IPO7: variants seen among roughly 807,000 people sequenced by gnomAD.
IPO7 encodes the protein importin-7.
Under a neutral mutation model 136.4 loss-of-function variants are expected in IPO7, and 13 were observed. That is an observed-to-expected ratio of 0.10 (90% CI 0.06 to 0.15). The LOEUF (loss-of-function observed/expected upper bound fraction) is 0.15. IPO7 is among the 10% of genes least tolerant of loss of function. The pLI is 1.00. For synonymous variants in IPO7, 403 were observed against 404.4 expected (o/e 1.00, Z 0.04); for missense variants, 857 against 1,240.6 (o/e 0.69, Z 4.65).
At chr11:9,429,262 C>G (rs1855259193) in intron 14 of IPO7, 66 bp downstream of exon 14, 1 of 1,332,486 alleles carries the variant, frequency 7.5e-7, no homozygotes, top group Non-Finnish European at 1.1e-6. Flanking sequence ...CACCTGTAAT[C>G]TTAGCACTTC....
intron 1 of IPO7, among the ~76,000 whole-genome samples, chr11:9,402,470 C>T (rs118021333): frequency 0.048 from 7,062 of 146,742 alleles, 235 homozygotes; most frequent in South Asian, 0.079. Flanking sequence ...ACGCCTGTAA[C>T]CCCAGTACTT....
In IPO7 at chr11:9,414,619, CTTTTTTT is replaced by C. The variant is rs1164303193; in HGVS notation, c.636+229_636+235del. The C allele has an allele frequency of 5.5e-4, 39 of 71,354 alleles. 1 individual carries two copies. The highest frequency in any genetic ancestry group is 9.8e-3 in the Middle Eastern group (1 of 102). 4.4% of individuals were successfully genotyped at this position (71,354 alleles called of 1,614,324 possible). A position where few individuals can be genotyped will look rare whatever the true frequency, so the allele number is the denominator to read the frequency against. Reference sequence around the variant, plus strand: ...AAATACATAAACAACCCTAATGAATCTTTTTTTTTTTTTTTTTTTTTTTTTTTGAGAC... The same window carrying C: ...AAATACATAAACAACCCTAATGAATCTTTTTTTTTTTTTTTTTTTTGAGAC... On this transcript the variant is annotated intron_variant, in intron 5 of 24. Transcript: ENST00000379719.
chr11:9,387,904 T>G (rs186594301), intron 1 of IPO7, among the ~76,000 whole-genome samples: 2 of 150,662 alleles, frequency 1.3e-5, no homozygotes, highest in East Asian at 4.0e-4. Flanking sequence ...TTCCAGCACT[T>G]TGGGAGTCCG....
chr11:9,390,099 C>T (rs1256915305), intron 1 of IPO7, among the ~76,000 whole-genome samples: 2 of 152,188 alleles, frequency 1.3e-5, no homozygotes, highest in Non-Finnish European at 2.9e-5. Context: ...CCATGTTGGC[C>T]AGGCTGGTCT....
rs542544220 is a variant in IPO7, at chr11:9,435,090, G to A, written c.2172+59G>A. The A allele has an allele frequency of 3.1e-5, 32 of 1,023,328 alleles. No individual in the cohort carries two copies. In the East Asian group the frequency reaches 6.7e-4, roughly 21 times the overall value. The allele number at this position is 1,023,328 out of a possible 1,614,324, so 63.4% of individuals were successfully genotyped here. On this transcript the variant is annotated intron_variant, in intron 19 of 24. Transcript: ENST00000379719. ...CTTCTGCTATAAAATGTATGAAATT[G>A]TGAAAACTCATGTGATACCACATTG...
intron 12 of IPO7, among the ~76,000 whole-genome samples, chr11:9,425,969 T>C (rs1464061861): frequency 6.6e-6 from 1 of 151,670 alleles, no homozygotes; most frequent in Non-Finnish European, 1.5e-5. Flanking sequence ...TCACTTGAAC[T>C]TGGGAGGCGG....
At chr11:9,428,511 A>G (rs1855244949) in intron 12 of IPO7, 29 bp from the exon 13 acceptor site, 1 of 960,676 alleles carries the variant, frequency 1.0e-6, no homozygotes, top group African/African-American at 1.6e-5. Flanking sequence ...TTGGAACTGT[A>G]TCAAAATAAC....
chr11:9,409,449 G>A (rs901914760), intron 3 of IPO7, among the ~76,000 whole-genome samples: 5 of 152,002 alleles, frequency 3.3e-5, no homozygotes, highest in African/African-American at 1.2e-4. Context: ...TCACATTGAC[G>A]AAACCAAAAA....
At chr11:9,404,766 C>T (rs1171076872) in intron 2 of IPO7, among the ~76,000 whole-genome samples, 1 of 151,924 alleles carries the variant, frequency 6.6e-6, no homozygotes, top group Non-Finnish European at 1.5e-5. Context: ...CGGGGTTTCA[C>T]CGTATTTGCC....
chr11:9,398,986 G>A (rs1854754561), intron 1 of IPO7, among the ~76,000 whole-genome samples: 1 of 152,146 alleles, frequency 6.6e-6, no homozygotes, highest in Non-Finnish European at 1.5e-5. Flanking sequence ...TCTTCATGTA[G>A]GACCTTGGAA....
rs1443618197 is a variant in IPO7 at position 9,429,026 on chromosome 11, A to G, written c.1426-5A>G. 4 of 1,612,696 alleles carry G rather than the reference A, an allele frequency of 2.5e-6. No individual in the cohort carries two copies. The Admixed American group carries it at 5.0e-5, about 20-fold the overall frequency. On this transcript the variant is annotated splice_polypyrimidine_tract_variant and splice_region_variant and intron_variant, in intron 13 of 24. Transcript: ENST00000379719. ...CTACAGTAACTCACTGTGTTTTTAC[A>G]AAAGGCTTGCTGGGTACTTCACTAT...
intron 24 of IPO7, among the ~76,000 whole-genome samples, chr11:9,444,013 G>A (rs1297316104): frequency 6.6e-6 from 1 of 152,004 alleles, no homozygotes; most frequent in African/African-American, 2.4e-5. Context: ...GGTGGCTCAC[G>A]CCTATAATCC....
In IPO7 at chr11:9,403,579, A is replaced by G. The variant is rs772359798; in HGVS notation, c.166+208A>G. The stretch of plus-strand genomic sequence containing the variant: ...ATTTGACATTTAGTTGAATTAAAAT[A>G]GAAGCTTCAAATAGAAATTGATGGG... On this transcript the variant is annotated intron_variant, in intron 2 of 24. Transcript: ENST00000379719. 8.0e-6 allele frequency: 4 copies of G among 498,878 alleles called. No homozygotes were observed. The Admixed American group carries it at 1.2e-4, about 15-fold the overall frequency. The allele number at this position is 498,878 out of a possible 1,614,324, so 30.9% of individuals were successfully genotyped here. A position where few individuals can be genotyped will look rare whatever the true frequency, so the allele number is the denominator to read the frequency against.
chr11:9,433,014 G>GTTTTT (rs1855320735), intron 16 of IPO7: 1 of 64,986 alleles, frequency 1.5e-5, no homozygotes, highest in Non-Finnish European at 4.5e-5. Flanking sequence ...TTGAGATGGA[G>GTTTTT]TTTTGGTCTT....
chr11:9,408,411 A>C, intron 2 of IPO7, 75 bp from the exon 3 acceptor site: 1 of 838,904 alleles, frequency 1.2e-6, no homozygotes. Context: ...GAAATACTTG[A>C]GGTATGGACA....
At position 9,421,132 on chromosome 11, in the gene IPO7, T is replaced by A. The variant is rs183904859; in HGVS notation, c.906+434T>A. ...ATGTGCCACCACACCCAGCTAATTT[T>A]GAATTTTTAGTAGAGACGGGTTTTC... On this transcript the variant is annotated intron_variant, in intron 8 of 24. Transcript: ENST00000379719. Among the ~76,000 whole-genome samples the A allele has an allele frequency of 2.9e-3, 444 of 151,966 alleles. 2 individuals are homozygous for A. The highest frequency in any genetic ancestry group is 0.01 in the African/African-American group (424 of 41,472).
At chr11:9,421,384 C>G (rs954168990) in intron 8 of IPO7, among the ~76,000 whole-genome samples, 2 of 151,492 alleles carry the variant, frequency 1.3e-5, no homozygotes, top group African/African-American at 4.9e-5. Flanking sequence ...AATCCCAGCA[C>G]TTTGGGAGGC....
intron 10 of IPO7, 78 bp from the exon 11 acceptor site, chr11:9,424,836 G>A (rs1235106339): frequency 2.2e-6 from 2 of 926,674 alleles, no homozygotes. Context: ...CATACCTTAT[G>A]TAAAGATTAA....
intron 6 of IPO7, among the ~76,000 whole-genome samples, chr11:9,418,183 C>T (rs1273326530): frequency 2.6e-5 from 4 of 151,792 alleles, no homozygotes; most frequent in South Asian, 4.1e-4. Context: ...CAATTCCCTG[C>T]CTCAGCCTCC....
Sources: allele counts gnomAD v4.1 joint callset (sites outside exome capture counted in the v4.1 genomes callset), GRCh38; gene constraint gnomAD v4.1.1; transcripts MANE v1.5; gene names NCBI Gene and HGNC (gene_info 2026-07-23, HGNC 2026-07-21).